Variants in CRIM1 observed in about 807,000 individuals in gnomAD.
CRIM1 encodes the protein cysteine rich transmembrane BMP regulator 1.
CRIM1 carries 32 observed loss-of-function variants against 116.4 expected under a neutral mutation model. The ratio of observed to expected loss-of-function variants is 0.27; its 90% confidence interval spans 0.21 to 0.37. CRIM1 has a LOEUF of 0.37. Ranked by LOEUF, CRIM1 falls within the 10% of genes least tolerant of loss-of-function variation. The pLI is 1.00. For missense variants in CRIM1, 1,331 were observed against 1,354.8 expected (o/e 0.98, Z 0.28); for synonymous variants, 590 against 509.2 (o/e 1.16, Z -2.13).
chr2:36,451,738 C>T (rs889106950), intron 4 of CRIM1, among the ~76,000 whole-genome samples: 19 of 152,262 alleles, frequency 1.2e-4, no homozygotes, highest in African/African-American at 4.1e-4. Flanking sequence ...GGGAGGATCA[C>T]GCAAGAGTCA....
At position 36,356,803 on chromosome 2, in the gene CRIM1, C is replaced by T. The variant is rs548496801; in HGVS notation, c.331+180C>T. 6.6e-6 allele frequency among the ~76,000 whole-genome samples: 1 copy of T among 152,232 alleles called. No homozygotes were observed. Among genetic ancestry groups the T allele is most frequent in the African/African-American group, 2.4e-5 (1 of 41,476 alleles). The stretch of plus-strand genomic sequence containing the variant: ...CCTGCGTTCCCTCTCCTTGTTCCCC[C>T]CGACGCTTAGGCAGTCGCGGGCGAG... On this transcript the variant is annotated intron_variant, in intron 1 of 16. Transcript: ENST00000280527. The surrounding 1 kb of genome is among the most constrained non-coding windows in gnomAD (Gnocchi z 4.3).
intron 1 of CRIM1, among the ~76,000 whole-genome samples, chr2:36,373,922 A>C (rs539199524): frequency 1.3e-5 from 2 of 151,864 alleles, no homozygotes; most frequent in Admixed American, 6.6e-5. Context: ...CCAACAGAAC[A>C]AAAAAAAATC....
intron 8 of CRIM1, among the ~76,000 whole-genome samples, chr2:36,503,932 G>A (rs1048303208): frequency 6.6e-6 from 1 of 151,814 alleles, no homozygotes; most frequent in African/African-American, 2.4e-5. Context: ...ATTCAGTGGT[G>A]CAAACACAGC....
rs768855903 is a variant in CRIM1, at chr2:36,356,461, C to G, written c.169C>G (p.Gln57Glu). 5 of 1,612,472 alleles carry G rather than the reference C, an allele frequency of 3.1e-6. No homozygotes were observed. The African/African-American group carries it at 6.7e-5, about 22-fold the overall frequency. ...EPRNCPGSIVQGVCGCCYTCA... is the reference protein window; with the variant it reads ...EPRNCPGSIVEGVCGCCYTCA... ...CAGGAACTGCCCGGGGAGCATCGTG[C>G]AGGGCGTCTGCGGCTGCTGCTACAC... The change falls in exon 1 of 17, where the codon CAG (glutamine) becomes GAG (glutamate). Residue 57 changes from glutamine to glutamate, a missense_variant. Around this residue, in one of 3 missense-constraint regions of CRIM1, gnomAD observed 690 missense variants for 676.0 expected, o/e 1.02. Transcript: ENST00000280527. The surrounding 1 kb of genome is among the most constrained non-coding windows in gnomAD (Gnocchi z 4.3).
intron 4 of CRIM1, among the ~76,000 whole-genome samples, chr2:36,460,135 C>T: frequency 6.6e-6 from 1 of 152,138 alleles, no homozygotes; most frequent in South Asian, 2.1e-4. Context: ...CAAGTCCCAC[C>T]TGGCTGCAGC....
intron 4 of CRIM1, among the ~76,000 whole-genome samples, chr2:36,443,804 A>G (rs1381071238): frequency 2.0e-5 from 3 of 152,192 alleles, no homozygotes; most frequent in African/African-American, 7.2e-5. Flanking sequence ...TTCTTCTCAT[A>G]AAATAAGTTA....
rs938268473 is a variant in CRIM1, at chr2:36,550,071, GCGCA to G, written c.*1378_*1381del. ...TGTGTGTGTGTGTGTGTGTGTGCGC[GCGCA>G]CGCACGCCTTGAGCAGTCAGCATTG... On this transcript the variant is annotated 3_prime_UTR_variant, in exon 17 of 17. Transcript: ENST00000280527. 2.0e-5 allele frequency: 3 copies of G among 152,226 alleles called. No individual in the cohort carries two copies. The highest frequency in any genetic ancestry group is 4.2e-4 in the South Asian group (2 of 4,810). The allele number at this position is 152,226 out of a possible 1,614,324, so 9.4% of individuals were successfully genotyped here.
chr2:36,388,280 A>G (rs1671322045), intron 1 of CRIM1, among the ~76,000 whole-genome samples: 1 of 152,196 alleles, frequency 6.6e-6, no homozygotes, highest in African/African-American at 2.4e-5. Context: ...GGTCCTGGAA[A>G]GTGATATTTA....
intron 13 of CRIM1, chr2:36,531,975 C>G (rs989102964): frequency 4.2e-6 from 2 of 470,776 alleles, no homozygotes; most frequent in Admixed American, 2.3e-5. Flanking sequence ...ACGTAGTTGA[C>G]GGTGATGGCA....
At chr2:36,374,601 TG>T (rs1670178781) in intron 1 of CRIM1, among the ~76,000 whole-genome samples, 1 of 152,208 alleles carries the variant, frequency 6.6e-6, no homozygotes, top group Non-Finnish European at 1.5e-5. Context: ...GTCAAGCAAT[TG>T]GGTTGTACTG....
intron 1 of CRIM1, among the ~76,000 whole-genome samples, chr2:36,380,777 C>G (rs114037360): frequency 6.6e-6 from 1 of 152,184 alleles, no homozygotes; most frequent in African/African-American, 2.4e-5. Flanking sequence ...TGTTGCCACA[C>G]CAGGAATCAG....
intron 2 of CRIM1, among the ~76,000 whole-genome samples, chr2:36,417,293 C>A (rs1673693901): frequency 6.6e-6 from 1 of 152,158 alleles, no homozygotes; most frequent in South Asian, 2.1e-4. Context: ...GCCTTTCTTT[C>A]CTCTCAGCTA....
intron 2 of CRIM1, among the ~76,000 whole-genome samples, chr2:36,422,750 T>A (rs910159440): frequency 6.6e-6 from 1 of 152,232 alleles, no homozygotes; most frequent in Non-Finnish European, 1.5e-5. Context: ...ATGCTTACGC[T>A]ATAACTCCCT....
At chr2:36,446,445 C>T (rs190183929) in intron 4 of CRIM1, among the ~76,000 whole-genome samples, 2 of 152,250 alleles carry the variant, frequency 1.3e-5, no homozygotes, top group Non-Finnish European at 2.9e-5. Context: ...TTCTATCCCT[C>T]ACAAATACTG....
intron 1 of CRIM1, among the ~76,000 whole-genome samples, chr2:36,392,334 C>T (rs529518653): frequency 6.6e-6 from 1 of 152,302 alleles, no homozygotes; most frequent in Non-Finnish European, 1.5e-5. Flanking sequence ...AATACATTTG[C>T]AGAGGTACCT....
intron 13 of CRIM1, among the ~76,000 whole-genome samples, chr2:36,530,309 T>A (rs1381737247): frequency 6.6e-6 from 1 of 152,164 alleles, no homozygotes; most frequent in African/African-American, 2.4e-5. Flanking sequence ...GTCTATGAGT[T>A]CTTAGTGGCC....
In CRIM1 at chr2:36,550,056, TGTGTGTGTGTGC is replaced by T. The variant is rs1667650023; in HGVS notation, c.*1357_*1368del. On this transcript the variant is annotated 3_prime_UTR_variant, in exon 17 of 17. Transcript: ENST00000280527. ...GAGAGTATGTATGTGTGTGTGTGTG[TGTGTGTGTGTGC>T]GCGCGCACGCACGCCTTGAGCAGTC... 1.3e-5 allele frequency: 2 copies of T among 148,808 alleles called. No homozygotes were observed. The highest frequency in any genetic ancestry group is 5.0e-5 in the African/African-American group (2 of 40,152). The allele number at this position is 148,808 out of a possible 1,614,324, so 9.2% of individuals were successfully genotyped here.
chr2:36,392,682 G>C (rs1377224440), intron 1 of CRIM1, among the ~76,000 whole-genome samples: 2 of 152,108 alleles, frequency 1.3e-5, no homozygotes, highest in East Asian at 3.9e-4. Context: ...TTAAAATATA[G>C]TGTTCTGTAA....
intron 1 of CRIM1, among the ~76,000 whole-genome samples, chr2:36,368,415 T>G (rs1669735437): frequency 6.6e-6 from 1 of 152,246 alleles, no homozygotes; most frequent in South Asian, 2.1e-4. Context: ...TCCAGAAACT[T>G]CACCCTTCCT....
Sources: allele counts gnomAD v4.1 joint callset (sites outside exome capture counted in the v4.1 genomes callset), GRCh38; gene constraint gnomAD v4.1.1; regional missense constraint gnomAD v4.1.1; non-coding constraint Gnocchi (gnomAD v3.1); transcripts MANE v1.5; gene names NCBI Gene and HGNC (gene_info 2026-07-23, HGNC 2026-07-21).